Variants in CCDC60 observed in about 807,000 individuals in gnomAD.
CCDC60 encodes the protein coiled-coil domain-containing protein 60.
A neutral mutation model predicts 63.5 loss-of-function variants in CCDC60; 54 were observed. The ratio of observed to expected loss-of-function variants is 0.85; its 90% CI spans 0.68 to 1.07. CCDC60 has a LOEUF of 1.07. CCDC60 is among the 50% of genes least tolerant of loss of function. The probability of loss-of-function intolerance (pLI) is 0.00; values close to 1 mark genes in which losing one functional copy is unlikely to be tolerated. For missense variants in CCDC60, 651 were observed against 684.3 expected (o/e 0.95, Z 0.54); for synonymous variants, 206 against 238.8 (o/e 0.86, Z 1.27).
At chr12:119,355,730 C>A (rs569940101) in intron 1 of CCDC60, among the ~76,000 whole-genome samples, 2 of 152,326 alleles carry the variant, frequency 1.3e-5, no homozygotes, top group East Asian at 3.9e-4. Flanking sequence ...AGCTCAGAGG[C>A]AGTTCTGCAG....
intron 1 of CCDC60, among the ~76,000 whole-genome samples, chr12:119,355,467 T>C (rs952403989): frequency 6.6e-6 from 1 of 152,246 alleles, no homozygotes; most frequent in African/African-American, 2.4e-5. Context: ...GGAACAGCCA[T>C]TAATGATCTT....
intron 6 of CCDC60, 144 bp from the exon 7 acceptor site, chr12:119,504,925 A>G: frequency 1.7e-6 from 1 of 606,058 alleles, no homozygotes; most frequent in Non-Finnish European, 2.9e-6. Flanking sequence ...GGTGTTTGGA[A>G]AGAGCCAGAA....
In CCDC60 at chr12:119,335,230, T is replaced by C; in HGVS notation, c.54T>C (p.Ala18=). Residue 18 remains alanine, a synonymous_variant, in exon 1 of 14, where the codon GCT becomes GCC. Transcript: ENST00000327554. ...TTCAGAGTTCCCCCAACTCGGGGGC[T>C]GTCCGGCCCTTTTATGCCTCGGAGA... ...KKLQSSPNSG[A]VRPFYASENL... is the part of the protein sequence containing the mutation. 1 of 1,605,280 alleles carries C rather than the reference T, an allele frequency of 6.2e-7. No individual in the cohort carries two copies. Among genetic ancestry groups the C allele is most frequent in the East Asian group, 2.3e-5 (1 of 44,254 alleles).
chr12:119,399,445 C>A (rs11064774), intron 1 of CCDC60, among the ~76,000 whole-genome samples: 72 of 152,214 alleles, frequency 4.7e-4, no homozygotes, highest in African/African-American at 1.6e-3. Context: ...AAAGTTCCTT[C>A]AAATGAGTGG....
chr12:119,523,594 C>A (rs1952591046), intron 10 of CCDC60, 99 bp from the exon 11 acceptor site: 7 of 1,539,314 alleles, frequency 4.5e-6, no homozygotes, highest in Non-Finnish European at 6.2e-6. Context: ...GTCCCCCATG[C>A]AGAGCACCTT....
At chr12:119,469,150 G>A (rs1313292813) in intron 2 of CCDC60, among the ~76,000 whole-genome samples, 1 of 152,126 alleles carries the variant, frequency 6.6e-6, no homozygotes, top group Non-Finnish European at 1.5e-5. Context: ...ACAATGTCCT[G>A]TGGAACATTT....
intron 11 of CCDC60, chr12:119,524,417 TC>T (rs1952623023): frequency 3.0e-6 from 3 of 984,406 alleles, no homozygotes; most frequent in Non-Finnish European, 3.6e-6. Context: ...CCAGAGACCA[TC>T]CATCCCGATG....
rs1367433850 is a variant in CCDC60, at chr12:119,382,671, G to A, written c.91-46012G>A. ...TGTAATGGGGCACACTGGGAGATGA[G>A]GATGGAGATACACACTTAGGCTGAT... On this transcript the variant is annotated intron_variant, in intron 1 of 13. Transcript: ENST00000327554. 4.6e-5 allele frequency among the ~76,000 whole-genome samples: 7 copies of A among 152,188 alleles called. No individual in the cohort carries two copies. In the East Asian group the frequency reaches 1.3e-3, roughly 29 times the overall value.
intron 1 of CCDC60, among the ~76,000 whole-genome samples, chr12:119,415,129 T>G (rs1014120077): frequency 2.7e-4 from 41 of 152,202 alleles, no homozygotes; most frequent in Non-Finnish European, 1.8e-4. Context: ...TAAAGGGAGA[T>G]TCCATTCACT....
At chr12:119,509,226 A>G (rs1236441244) in intron 7 of CCDC60, among the ~76,000 whole-genome samples, 1 of 152,222 alleles carries the variant, frequency 6.6e-6, no homozygotes, top group Non-Finnish European at 1.5e-5. Flanking sequence ...TGTTTAGCAT[A>G]CACAAAAATT....
At chr12:119,445,411 G>A (rs1950524197) in intron 2 of CCDC60, among the ~76,000 whole-genome samples, 1 of 122,428 alleles carries the variant, frequency 8.2e-6, no homozygotes, top group African/African-American at 3.1e-5. Context: ...TCCAGCCTGA[G>A]TGACAGAGCG....
rs200493410 is a variant in CCDC60, at chr12:119,426,351, A to AT, written c.91-2327dup. Among the ~76,000 whole-genome samples, 266 of 83,520 alleles carry AT rather than the reference A, an allele frequency of 3.2e-3. 1 individual carries two copies. The highest frequency in any genetic ancestry group is 0.012 in the African/African-American group (254 of 20,586). The allele number at this position is 83,520 out of a possible 152,430, so 54.8% of individuals were successfully genotyped here. A position where few individuals can be genotyped will look rare whatever the true frequency, so the allele number is the denominator to read the frequency against. ...TTTCTTTTTTCTTTTATTTTTATTTATTTTTGTTTTGTTTTGTTTTTTTGA... is the reference window on the plus strand; with the variant it reads ...TTTCTTTTTTCTTTTATTTTTATTTATTTTTTGTTTTGTTTTGTTTTTTTGA... On this transcript the variant is annotated intron_variant, in intron 1 of 13. Transcript: ENST00000327554.
At position 119,469,620 on chromosome 12, in the gene CCDC60, G is replaced by C. The variant is rs182299842; in HGVS notation, c.171-2374G>C. 1.5e-3 allele frequency among the ~76,000 whole-genome samples: 232 copies of C among 152,214 alleles called. 1 individual carries two copies. Among genetic ancestry groups the C allele is most frequent in the Non-Finnish European group, 2.3e-3 (158 of 68,020 alleles). On this transcript the variant is annotated intron_variant, in intron 2 of 13. Coordinates refer to ENST00000327554, the MANE Select transcript of CCDC60 (RefSeq NM_178499.5). The stretch of plus-strand genomic sequence containing the variant: ...AAGACTTTTCAGACTTCAAACTCCT[G>C]GTCCAGTGATTTATTGCCCAGCGGG...
intron 2 of CCDC60, chr12:119,429,542 C>G (rs929683955): frequency 2.0e-5 from 3 of 152,150 alleles, no homozygotes; most frequent in Non-Finnish European, 2.9e-5. Flanking sequence ...CGGGGAAGTT[C>G]TATTGATCTT....
chr12:119,390,290 C>T (rs1197737994), intron 1 of CCDC60, among the ~76,000 whole-genome samples: 3 of 152,200 alleles, frequency 2.0e-5, no homozygotes, highest in African/African-American at 7.2e-5. Flanking sequence ...CCCTAATCCT[C>T]CCTGCAGGTG....
At chr12:119,361,899 T>A (rs1213614175) in intron 1 of CCDC60, among the ~76,000 whole-genome samples, 1 of 152,228 alleles carries the variant, frequency 6.6e-6, no homozygotes, top group Non-Finnish European at 1.5e-5. Flanking sequence ...AGATGGCCAT[T>A]GTGCATAGTT....
chr12:119,403,605 T>G (rs1244647064), intron 1 of CCDC60, among the ~76,000 whole-genome samples: 1 of 151,880 alleles, frequency 6.6e-6, no homozygotes, highest in East Asian at 1.9e-4. Flanking sequence ...AGCCCCATCT[T>G]CCCCCTGTGC....
intron 1 of CCDC60, among the ~76,000 whole-genome samples, chr12:119,345,323 G>T (rs1288880782): frequency 1.3e-5 from 2 of 152,128 alleles, no homozygotes; most frequent in South Asian, 2.1e-4. Flanking sequence ...TCAACATGGT[G>T]AAATCCCGTC....
chr12:119,473,431 A>G (rs1951107078), intron 3 of CCDC60, among the ~76,000 whole-genome samples: 1 of 152,308 alleles, frequency 6.6e-6, no homozygotes, highest in South Asian at 2.1e-4. Context: ...AGGCTCTCTA[A>G]TATACATTAG....
Sources: allele counts gnomAD v4.1 joint callset (sites outside exome capture counted in the v4.1 genomes callset), GRCh38; gene constraint gnomAD v4.1.1; transcripts MANE v1.5; gene names NCBI Gene and HGNC (gene_info 2026-07-23, HGNC 2026-07-21).